DENND1B: variants seen among roughly 807,000 people sequenced by gnomAD.
The protein encoded by DENND1B is DENN domain containing 1B.
In DENND1B, 59 loss-of-function variants were observed where a neutral mutation model predicts 90.1. The ratio of observed to expected loss-of-function variants is 0.65; its 90% confidence interval spans 0.53 to 0.81. The LOEUF (loss-of-function observed/expected upper bound fraction) is 0.81. Ranked by LOEUF, DENND1B falls within the 40% of genes least tolerant of loss-of-function variation. DENND1B has a pLI of 0.00. For missense variants in DENND1B, 862 were observed against 912.6 expected (o/e 0.94, Z 0.71); for synonymous variants, 337 against 324.6 (o/e 1.04, Z -0.41).
At chr1:197,517,533 A>G (rs16829918) in intron 20 of DENND1B, among the ~76,000 whole-genome samples, 2,680 of 151,980 alleles carry the variant, frequency 0.018, 84 homozygotes, top group African/African-American at 0.061. Context: ...GTCTATACAC[A>G]TCGATTTTCA....
chr1:197,770,700 C>CTATAAATA (rs1234114495), intron 2 of DENND1B, among the ~76,000 whole-genome samples: 2 of 130,596 alleles, frequency 1.5e-5, no homozygotes, highest in Admixed American at 1.6e-4. Flanking sequence ...AAATATATAT[C>CTATAAATA]TATAAATATA....
intron 2 of DENND1B, among the ~76,000 whole-genome samples, chr1:197,770,300 T>C (rs1656259051): frequency 6.6e-6 from 1 of 152,100 alleles, no homozygotes; most frequent in Non-Finnish European, 1.5e-5. Context: ...CAAATGAAGA[T>C]GTTTCTAAAA....
At chr1:197,526,009 T>C (rs1669109661) in intron 20 of DENND1B, among the ~76,000 whole-genome samples, 1 of 152,132 alleles carries the variant, frequency 6.6e-6, no homozygotes, top group Non-Finnish European at 1.5e-5. Context: ...ATTTTGTAAT[T>C]AGTATAGGCG....
At chr1:197,630,915 C>A (rs879045148) in intron 10 of DENND1B, among the ~76,000 whole-genome samples, 1 of 152,086 alleles carries the variant, frequency 6.6e-6, no homozygotes, top group Admixed American at 6.6e-5. Flanking sequence ...CTATATACCA[C>A]CATTACTGCT....
chr1:197,636,363 T>C (rs1679792849), intron 10 of DENND1B, among the ~76,000 whole-genome samples: 1 of 152,172 alleles, frequency 6.6e-6, no homozygotes, highest in Admixed American at 6.6e-5. Flanking sequence ...CAGAGGTTCC[T>C]TAAGGGAAGG....
chr1:197,657,803 A>G, intron 6 of DENND1B, among the ~76,000 whole-genome samples: 1 of 152,182 alleles, frequency 6.6e-6, no homozygotes, highest in African/African-American at 2.4e-5. Flanking sequence ...TTGTACAAAC[A>G]TTTTCATAGC....
intron 2 of DENND1B, among the ~76,000 whole-genome samples, chr1:197,740,081 C>A (rs1287041069): frequency 6.6e-6 from 1 of 152,022 alleles, no homozygotes; most frequent in Non-Finnish European, 1.5e-5. Flanking sequence ...ATTATGAGCG[C>A]AAAAGGAAGG....
At chr1:197,781,301 C>A in the DENND1B span, among the ~76,000 whole-genome samples, 1 of 152,078 alleles carries the variant, frequency 6.6e-6, no homozygotes, top group African/African-American at 2.4e-5. Flanking sequence ...TAACATGTAT[C>A]CAAGTCAGGC....
intron 10 of DENND1B, among the ~76,000 whole-genome samples, chr1:197,618,609 T>A (rs1208758055): frequency 6.6e-6 from 1 of 151,156 alleles, no homozygotes; most frequent in Admixed American, 6.6e-5. Context: ...CAGAATTCTT[T>A]TAATGTGACT....
At chr1:197,649,207 A>T (rs1436988889) in intron 7 of DENND1B, among the ~76,000 whole-genome samples, 3 of 152,212 alleles carry the variant, frequency 2.0e-5, no homozygotes, top group Admixed American at 6.5e-5. Flanking sequence ...GAAAATTAAA[A>T]GTTGGATTGA....
chr1:197,629,327 C>A (rs1679099894), intron 10 of DENND1B, among the ~76,000 whole-genome samples: 1 of 151,958 alleles, frequency 6.6e-6, no homozygotes, highest in African/African-American at 2.4e-5. Context: ...CACATATACA[C>A]CATGGAATAC....
upstream of DENND1B, among the ~76,000 whole-genome samples, chr1:197,777,094 G>T (rs1281959987): frequency 6.7e-6 from 1 of 150,100 alleles, no homozygotes; most frequent in East Asian, 1.9e-4. Flanking sequence ...ATACTCCAAA[G>T]CCTTGAAAAA....
chr1:197,638,006 T>C (rs1230143586), intron 10 of DENND1B, among the ~76,000 whole-genome samples: 1 of 152,168 alleles, frequency 6.6e-6, no homozygotes, highest in Non-Finnish European at 1.5e-5. Flanking sequence ...AGAATATGTA[T>C]AATCCAGATG....
chr1:197,749,878 T>C (rs892156857), intron 2 of DENND1B, among the ~76,000 whole-genome samples: 26 of 152,188 alleles, frequency 1.7e-4, no homozygotes, highest in African/African-American at 5.5e-4. Context: ...GACAGGATCT[T>C]GCTCTGTCGC....
At position 197,594,046 on chromosome 1, in the gene DENND1B, C is replaced by T. The variant is rs549054476; in HGVS notation, c.1047+1162G>A. Among the ~76,000 whole-genome samples the T allele has an allele frequency of 2.6e-5, 4 of 152,196 alleles. No homozygotes were observed. The East Asian group carries it at 7.7e-4, about 29-fold the overall frequency. On this transcript the variant is annotated intron_variant, in intron 14 of 22. Coordinates refer to ENST00000620048, the MANE Select transcript of DENND1B (RefSeq NM_001195215.2). The stretch of plus-strand genomic sequence containing the variant: ...ACTATGAACAACTTTTTAAGACTCC[C>T]CCATGTGAGATATGTATACTCTGTA...
At chr1:197,749,234 A>T (rs956632735) in intron 2 of DENND1B, among the ~76,000 whole-genome samples, 1 of 152,162 alleles carries the variant, frequency 6.6e-6, no homozygotes, top group African/African-American at 2.4e-5. Flanking sequence ...CAGCTTCAAT[A>T]AAATAATGTT....
chr1:197,755,438 A>G (rs1172161487), intron 2 of DENND1B, among the ~76,000 whole-genome samples: 2 of 152,188 alleles, frequency 1.3e-5, no homozygotes, highest in Non-Finnish European at 2.9e-5. Context: ...CAGAAAAAAA[A>G]AATACAATGG....
intron 20 of DENND1B, among the ~76,000 whole-genome samples, chr1:197,515,140 C>T (rs1185077375): frequency 6.6e-6 from 1 of 151,596 alleles, no homozygotes; most frequent in African/African-American, 2.4e-5. Flanking sequence ...TAGGACTGAT[C>T]CCTACTCCAC....
chr1:197,774,045 C>A (rs904171085), intron 1 of DENND1B, among the ~76,000 whole-genome samples: 2 of 152,166 alleles, frequency 1.3e-5, no homozygotes, highest in African/African-American at 4.8e-5. Context: ...TGCAAATATA[C>A]ATTTTTTTAG....
Sources: gnomAD v4.1 joint callset for allele counts (sites outside exome capture counted in the v4.1 genomes callset) on GRCh38, gnomAD v4.1.1 for gene constraint, MANE v1.5 for transcripts, NCBI Gene and HGNC (gene_info 2026-07-23, HGNC 2026-07-21) for gene names.